The following IL18RAP variants were observed in gnomAD, a reference collection of about 807,000 sequenced individuals.
IL18RAP encodes interleukin 18 receptor accessory protein.
Under a neutral mutation model 58.1 loss-of-function variants are expected in IL18RAP, and 37 were observed. That is an observed-to-expected ratio of 0.64 (90% CI 0.49 to 0.84). The LOEUF is 0.84. IL18RAP is among the 40% of genes least tolerant of loss of function. The probability of loss-of-function intolerance (pLI) is 0.00; values close to 1 mark genes in which losing one functional copy is unlikely to be tolerated. For synonymous variants in IL18RAP, 268 were observed against 257.5 expected (o/e 1.04, Z -0.39); for missense variants, 667 against 704.8 (o/e 0.95, Z 0.61).
chr2:102,450,154 T>C (rs540829900), intron 8 of IL18RAP, among the ~76,000 whole-genome samples: 39 of 1,174 alleles, frequency 0.033, no homozygotes, highest in Non-Finnish European at 0.032. Context: ...TTTCTACTTC[T>C]TCCAGTGAGT....
chr2:102,425,315 C>T (rs557023091), intron 3 of IL18RAP, among the ~76,000 whole-genome samples: 1 of 152,130 alleles, frequency 6.6e-6, no homozygotes, highest in Non-Finnish European at 1.5e-5. Context: ...TTAATGCACC[C>T]CAAATTTTAA....
At chr2:102,432,456 C>G (rs781230816) in intron 3 of IL18RAP, 1 of 154,336 alleles carries the variant, frequency 6.5e-6, no homozygotes, top group Non-Finnish European at 1.5e-5. Flanking sequence ...TACATCTGGC[C>G]GAGAAATACT....
chr2:102,447,393 C>A (rs970977706), intron 8 of IL18RAP, among the ~76,000 whole-genome samples, 186 bp downstream of exon 8: 1 of 152,186 alleles, frequency 6.6e-6, no homozygotes, highest in Non-Finnish European at 1.5e-5. Context: ...GAAATGTCCC[C>A]ACTGGATAAA....
rs114339788 is a variant in IL18RAP, at chr2:102,445,822, A to T, written c.1072+482A>T. ...GTGTGTGTATATCACGGATATATTA[A>T]AAAAAAAAAAGCTGGAGTAGAAATT... On this transcript the variant is annotated intron_variant, in intron 7 of 9. Transcript: ENST00000687160. Among the ~76,000 whole-genome samples the T allele has an allele frequency of 5.3e-3, 208 of 38,984 alleles. 1 individual carries two copies. Among genetic ancestry groups the T allele is most frequent in the African/African-American group, 0.027 (181 of 6,610 alleles). 25.6% of individuals were successfully genotyped at this position (38,984 alleles called of 152,430 possible).
Position 102,452,318 on chromosome 2 carries a change from G to C in IL18RAP, c.*137G>C. ...CTGCCAGCACCAAGCAAGCTTGATGGACAATGGAGTGGGATTGAGACTGTG... is the reference window on the plus strand; with the variant it reads ...CTGCCAGCACCAAGCAAGCTTGATGCACAATGGAGTGGGATTGAGACTGTG... On this transcript the variant is annotated 3_prime_UTR_variant, in exon 10 of 10. Coordinates refer to ENST00000687160, the MANE Select transcript of IL18RAP (RefSeq NM_001393487.1). The C allele has an allele frequency of 1.2e-6, 1 of 818,320 alleles. No individual in the cohort carries two copies. The highest frequency in any genetic ancestry group is 1.9e-5 in the South Asian group (1 of 53,154). The allele number at this position is 818,320 out of a possible 1,614,324, so 50.7% of individuals were successfully genotyped here. A position where few individuals can be genotyped will look rare whatever the true frequency, so the allele number is the denominator to read the frequency against.
intron 3 of IL18RAP, chr2:102,435,386 G>T (rs1036020891): frequency 6.6e-6 from 1 of 152,198 alleles, no homozygotes; most frequent in Non-Finnish European, 1.5e-5. Flanking sequence ...TTGACTGGGA[G>T]TGTGTGTAAA....
intron 3 of IL18RAP, among the ~76,000 whole-genome samples, chr2:102,431,858 T>C (rs1223282704): frequency 6.6e-6 from 1 of 152,196 alleles, no homozygotes; most frequent in Non-Finnish European, 1.5e-5. Context: ...TTATACATAT[T>C]TTCTTGTAGT....
upstream of IL18RAP, chr2:102,423,036 T>C (rs1369910489): frequency 1.8e-6 from 1 of 552,994 alleles, no homozygotes; most frequent in Non-Finnish European, 3.3e-6. Context: ...AAAAGGTTGC[T>C]ACACACCATT....
In IL18RAP at chr2:102,446,019, G is replaced by T. The variant is rs552544173; in HGVS notation, c.1072+679G>T. On this transcript the variant is annotated intron_variant, in intron 7 of 9. Transcript: ENST00000687160. ...CTGTAGTAAACGCTCTGTGAAGGGG[G>T]TTTTCCCCCATGGGAGTATGCAGGA... is the stretch of plus-strand genomic sequence containing the variant. Among the ~76,000 whole-genome samples, 480 of 152,270 alleles carry T rather than the reference G, an allele frequency of 3.2e-3. 2 individuals carry two copies. Among genetic ancestry groups the T allele is most frequent in the Non-Finnish European group, 4.6e-3 (312 of 68,018 alleles).
chr2:102,439,297 C>G (rs1268472336), intron 4 of IL18RAP: 1 of 152,284 alleles, frequency 6.6e-6, no homozygotes, highest in African/African-American at 2.4e-5. Context: ...GTCAAGCAGG[C>G]AGTTGCTGAT....
intron 7 of IL18RAP, among the ~76,000 whole-genome samples, chr2:102,445,949 G>T (rs1471619980): frequency 6.6e-6 from 1 of 152,188 alleles, no homozygotes; most frequent in Non-Finnish European, 1.5e-5. Flanking sequence ...TTATAAGCAG[G>T]TTTGAATGTT....
At chr2:102,421,421 G>C (rs1681569753), upstream of IL18RAP, among the ~76,000 whole-genome samples, 1 of 152,156 alleles carries the variant, frequency 6.6e-6, no homozygotes, top group South Asian at 2.1e-4. Context: ...GTGGGAGCCG[G>C]TGACGTTTTG....
At chr2:102,440,869 T>A (rs956403634) in intron 4 of IL18RAP, among the ~76,000 whole-genome samples, 5 of 152,326 alleles carry the variant, frequency 3.3e-5, no homozygotes, top group Admixed American at 6.5e-5. Context: ...GACTGGACTC[T>A]TCTTTATTTT....
chr2:102,444,575 A>C (rs943446278), intron 6 of IL18RAP, among the ~76,000 whole-genome samples: 1 of 152,218 alleles, frequency 6.6e-6, no homozygotes, highest in African/African-American at 2.4e-5. Context: ...TCACATACAC[A>C]AGATTTCTTA....
intron 5 of IL18RAP, 90 bp from the exon 6 acceptor site, chr2:102,443,110 G>A (rs1340630325): frequency 1.1e-5 from 14 of 1,305,552 alleles, no homozygotes; most frequent in African/African-American, 1.5e-5. Flanking sequence ...TGCATCAGGA[G>A]ACAGCTTCTG....
intron 8 of IL18RAP, among the ~76,000 whole-genome samples, chr2:102,449,139 G>A (rs1211137060): frequency 6.6e-6 from 1 of 150,752 alleles, no homozygotes; most frequent in Non-Finnish European, 1.5e-5. Context: ...TTGGTGGCAG[G>A]CACCTGTAAT....
In IL18RAP at chr2:102,452,357, G is replaced by A. The variant is rs1028851026; in HGVS notation, c.*176G>A. 3.3e-6 allele frequency: 2 copies of A among 598,394 alleles called. No homozygotes were observed. Among genetic ancestry groups the A allele is most frequent in the Non-Finnish European group, 5.6e-6 (2 of 357,700 alleles). 37.1% of individuals were successfully genotyped at this position (598,394 alleles called of 1,614,324 possible). A position where few individuals can be genotyped will look rare whatever the true frequency, so the allele number is the denominator to read the frequency against. ...ATTGAGACTGTGGTTTAGAGCCTTTGATTTCCTGGACTGGACTGACGGCGA... is the reference window on the plus strand; with the variant it reads ...ATTGAGACTGTGGTTTAGAGCCTTTAATTTCCTGGACTGGACTGACGGCGA... On this transcript the variant is annotated 3_prime_UTR_variant, in exon 10 of 10. Coordinates refer to ENST00000687160, the MANE Select transcript of IL18RAP (RefSeq NM_001393487.1).
chr2:102,447,015 T>C, intron 7 of IL18RAP, 55 bp from the exon 8 acceptor site: 1 of 1,584,636 alleles, frequency 6.3e-7, no homozygotes, highest in East Asian at 2.3e-5. Flanking sequence ...CTGAACATGG[T>C]CTTGGTCCAA....
intron 8 of IL18RAP, among the ~76,000 whole-genome samples, chr2:102,449,847 C>T (rs968373060): frequency 6.6e-6 from 1 of 152,144 alleles, no homozygotes; most frequent in Non-Finnish European, 1.5e-5. Context: ...AGCCATGCCC[C>T]ACAAGTCTCA....
Sources: allele counts gnomAD v4.1 joint callset (sites outside exome capture counted in the v4.1 genomes callset), GRCh38; gene constraint gnomAD v4.1.1; transcripts MANE v1.5; gene names NCBI Gene and HGNC (gene_info 2026-07-23, HGNC 2026-07-21).